Variants in PTPRG observed in about 807,000 individuals in gnomAD.
PTPRG encodes the protein receptor-type tyrosine-protein phosphatase gamma.
A neutral mutation model predicts 165.3 loss-of-function variants in PTPRG; 102 were observed. That is an observed-to-expected ratio of 0.62 (90% CI 0.53 to 0.73). The LOEUF is 0.73. Among genes scored for constraint, PTPRG ranks in the 30% least tolerant of loss-of-function variants. The pLI is 0.00. For synonymous variants in PTPRG, 675 were observed against 669.5 expected (o/e 1.01, Z -0.13); for missense variants, 1,866 against 1,861.4 (o/e 1.00, Z -0.05).
intron 1 of PTPRG, among the ~76,000 whole-genome samples, chr3:61,745,793 A>C (rs145014666): frequency 6.6e-6 from 1 of 152,284 alleles, no homozygotes; most frequent in Non-Finnish European, 1.5e-5. Context: ...GCCCAGGGTT[A>C]AGAGAGCTCT....
intron 23 of PTPRG, among the ~76,000 whole-genome samples, chr3:62,275,161 A>C (rs1702191724): frequency 6.6e-6 from 1 of 152,198 alleles, no homozygotes; most frequent in Non-Finnish European, 1.5e-5. Flanking sequence ...CAAGCTACAT[A>C]AACAGGAATA....
At chr3:61,805,147 G>A (rs1190831830) in intron 2 of PTPRG, among the ~76,000 whole-genome samples, 1 of 152,022 alleles carries the variant, frequency 6.6e-6, no homozygotes, top group Non-Finnish European at 1.5e-5. Flanking sequence ...CCCTCCCTAA[G>A]CAGTGGTTCT....
chr3:62,012,572 A>C (rs930205670), intron 4 of PTPRG, among the ~76,000 whole-genome samples: 1 of 152,166 alleles, frequency 6.6e-6, no homozygotes, highest in African/African-American at 2.4e-5. Context: ...TATGCCCCTT[A>C]AATACGTAGC....
intron 15 of PTPRG, among the ~76,000 whole-genome samples, chr3:62,247,711 G>C (rs977457707): frequency 2.0e-5 from 3 of 152,128 alleles, no homozygotes; most frequent in Non-Finnish European, 4.4e-5. Flanking sequence ...AACAAATTTA[G>C]ACACTAACTC....
chr3:62,088,246 T>C (rs1701814943), intron 5 of PTPRG, among the ~76,000 whole-genome samples: 1 of 152,150 alleles, frequency 6.6e-6, no homozygotes, highest in Non-Finnish European at 1.5e-5. Context: ...AGGAGAGTCC[T>C]CCACAACCAA....
At chr3:61,601,468 C>A (rs1700866426) in intron 1 of PTPRG, among the ~76,000 whole-genome samples, 1 of 152,128 alleles carries the variant, frequency 6.6e-6, no homozygotes, top group Admixed American at 6.5e-5. Flanking sequence ...AACATTATAT[C>A]CTTTGGGTAA....
intron 2 of PTPRG, among the ~76,000 whole-genome samples, chr3:61,752,476 T>G: frequency 6.6e-6 from 1 of 152,026 alleles, no homozygotes; most frequent in Non-Finnish European, 1.5e-5. Flanking sequence ...GCCTAGAATA[T>G]TACTGTATCT....
At chr3:61,907,140 A>AC (rs1387439050) in intron 2 of PTPRG, among the ~76,000 whole-genome samples, 1 of 149,354 alleles carries the variant, frequency 6.7e-6, no homozygotes, top group African/African-American at 2.5e-5. Context: ...AACTTCCCCC[A>AC]CCCCTTTTTT....
At chr3:62,017,366 C>T (rs2041569946) in intron 4 of PTPRG, among the ~76,000 whole-genome samples, 1 of 152,082 alleles carries the variant, frequency 6.6e-6, no homozygotes, top group Non-Finnish European at 1.5e-5. Flanking sequence ...ACACATTCAT[C>T]CTCTTGCCTC....
At chr3:61,841,582 A>C (rs1227094077) in intron 2 of PTPRG, among the ~76,000 whole-genome samples, 2 of 151,890 alleles carry the variant, frequency 1.3e-5, no homozygotes, top group Non-Finnish European at 3.0e-5. Context: ...CTCGTCCACC[A>C]CCACCCCCAC....
At chr3:62,236,889 G>C (rs1701045407) in intron 14 of PTPRG, among the ~76,000 whole-genome samples, 2 of 152,088 alleles carry the variant, frequency 1.3e-5, no homozygotes, top group South Asian at 4.1e-4. Flanking sequence ...TCTCAGAGTG[G>C]GTGTACGTGT....
intron 2 of PTPRG, among the ~76,000 whole-genome samples, chr3:61,868,475 A>C (rs1032970421): frequency 6.6e-6 from 1 of 152,062 alleles, no homozygotes; most frequent in African/African-American, 2.4e-5. Flanking sequence ...ACTGCGTCCA[A>C]CCTGCCTTGA....
At chr3:61,804,089 G>C (rs1350642660) in intron 2 of PTPRG, among the ~76,000 whole-genome samples, 2 of 152,184 alleles carry the variant, frequency 1.3e-5, no homozygotes, top group Non-Finnish European at 2.9e-5. Flanking sequence ...AAAAAGCTTT[G>C]GTCACTTAAA....
chr3:61,695,309 C>T (rs1015970410), intron 1 of PTPRG, among the ~76,000 whole-genome samples: 4 of 152,154 alleles, frequency 2.6e-5, no homozygotes, highest in African/African-American at 9.7e-5. Context: ...CCGCGCCTGG[C>T]GTGTTTGGCT....
intron 1 of PTPRG, among the ~76,000 whole-genome samples, chr3:61,673,035 C>G (rs947312428): frequency 6.6e-6 from 1 of 151,950 alleles, no homozygotes; most frequent in African/African-American, 2.4e-5. Context: ...GGTGCGTGCC[C>G]GTAGTCCTAG....
At chr3:62,076,493 T>TG (rs1329036159) in intron 4 of PTPRG, among the ~76,000 whole-genome samples, 5 of 151,366 alleles carry the variant, frequency 3.3e-5, no homozygotes, top group Non-Finnish European at 4.4e-5. Context: ...GGTCTGGTTT[T>TG]TTTTGTTTGT....
rs1043716100 is a variant in PTPRG at position 62,240,233 on chromosome 3, C to T, written c.2376-3574C>T. On this transcript the variant is annotated intron_variant, in intron 14 of 29. Transcript: ENST00000474889. This position sits in a 1 kb window ranked among gnomAD's most constrained non-coding sequence, Gnocchi z 5.1. ...CCCAGCTACTTAGGAGGCTGAGGCACGAGAGGCGTGAGAATCGCCCGAACC... is the reference window on the plus strand; with the variant it reads ...CCCAGCTACTTAGGAGGCTGAGGCATGAGAGGCGTGAGAATCGCCCGAACC... 1.3e-5 allele frequency among the ~76,000 whole-genome samples: 2 copies of T among 152,084 alleles called. No homozygotes were observed. Among genetic ancestry groups the T allele is most frequent in the Admixed American group, 1.3e-4 (2 of 15,266 alleles).
chr3:62,053,456 G>A (rs540063313), intron 4 of PTPRG, among the ~76,000 whole-genome samples: 6 of 152,022 alleles, frequency 3.9e-5, no homozygotes, highest in African/African-American at 9.6e-5. Flanking sequence ...TAGTAGAGAC[G>A]GGGTTTCTCC....
intron 1 of PTPRG, among the ~76,000 whole-genome samples, chr3:61,572,327 A>C (rs575885116): frequency 1.9e-3 from 294 of 152,312 alleles, no homozygotes; most frequent in Non-Finnish European, 3.8e-3. Flanking sequence ...TCATGTCAAC[A>C]AAGTTATGTG....
Sources: gnomAD v4.1 joint callset for allele counts (sites outside exome capture counted in the v4.1 genomes callset) on GRCh38, gnomAD v4.1.1 for gene constraint, Gnocchi (gnomAD v3.1) non-coding constraint, MANE v1.5 for transcripts, NCBI Gene and HGNC (gene_info 2026-07-23, HGNC 2026-07-21) for gene names.